The following TNNI3K variants were observed in gnomAD, a reference collection of about 807,000 sequenced individuals.
TNNI3K encodes the protein TNNI3 interacting kinase, also known as serine/threonine-protein kinase TNNI3K.
Under a neutral mutation model 114.5 loss-of-function variants are expected in TNNI3K, and 140 were observed. The ratio of observed to expected loss-of-function variants is 1.22; its 90% CI spans 1.07 to 1.41. The LOEUF is 1.41. Among genes scored for constraint, TNNI3K ranks in the 40% most tolerant of loss-of-function variants. The probability of loss-of-function intolerance (pLI) is 0.00; values close to 1 mark genes in which losing one functional copy is unlikely to be tolerated. For synonymous variants in TNNI3K, 347 were observed against 347.5 expected (o/e 1.00, Z 0.02); for missense variants, 1,125 against 1,007.6 (o/e 1.12, Z -1.58).
At chr1:74,263,915 T>C (rs536260929) in intron 4 of TNNI3K, among the ~76,000 whole-genome samples, 40 of 152,168 alleles carry the variant, frequency 2.6e-4, no homozygotes, top group East Asian at 2.1e-3. Context: ...AAGTAGCATG[T>C]ATTTACTTCC....
chr1:74,453,572 T>C (rs1667112747), intron 20 of TNNI3K, among the ~76,000 whole-genome samples: 1 of 152,120 alleles, frequency 6.6e-6, no homozygotes, highest in African/African-American at 2.4e-5. Context: ...GGGAAAAATA[T>C]AAACAAAGAA....
At chr1:74,318,595 AT>A (rs1659445778) in intron 5 of TNNI3K, among the ~76,000 whole-genome samples, 1 of 152,140 alleles carries the variant, frequency 6.6e-6, no homozygotes, top group South Asian at 2.1e-4. Context: ...GAAAACTTCT[AT>A]TTCACGTTTT....
intron 20 of TNNI3K, among the ~76,000 whole-genome samples, chr1:74,450,464 C>G (rs193123106): frequency 6.6e-6 from 1 of 151,752 alleles, no homozygotes; most frequent in Non-Finnish European, 1.5e-5. Flanking sequence ...TCAGAGTGAG[C>G]AGACAATCTA....
intron 5 of TNNI3K, among the ~76,000 whole-genome samples, chr1:74,307,630 T>G (rs1374351975): frequency 6.6e-6 from 1 of 152,280 alleles, no homozygotes; most frequent in East Asian, 1.9e-4. Context: ...GGGAGCATGC[T>G]TATTTGTAAA....
intron 5 of TNNI3K, among the ~76,000 whole-genome samples, chr1:74,327,925 C>T (rs1659997999): frequency 6.6e-6 from 1 of 150,784 alleles, no homozygotes; most frequent in Admixed American, 6.6e-5. Context: ...TATAGTCTCA[C>T]AAAAAAATTC....
chr1:74,392,785 C>T (rs182134799), intron 17 of TNNI3K, among the ~76,000 whole-genome samples: 125 of 152,168 alleles, frequency 8.2e-4, no homozygotes, highest in African/African-American at 2.4e-3. Flanking sequence ...ATTTTTGAAA[C>T]GAATGAATGA....
At chr1:74,331,592 G>A (rs1473480178) in intron 6 of TNNI3K, 44 bp downstream of exon 6, 3 of 1,536,866 alleles carry the variant, frequency 2.0e-6, no homozygotes, top group Non-Finnish European at 2.7e-6. Context: ...TGTTGCTTAA[G>A]TGTAGGCTTT....
In TNNI3K at chr1:74,361,122, T is replaced by A. The variant is rs565271653; in HGVS notation, c.1178-6134T>A. ...ATTTCTGTAAATATCATAGGTTCCT[T>A]ATTAACTGCACAGTCCTAATATTCA... On this transcript the variant is annotated intron_variant, in intron 11 of 24. Coordinates refer to ENST00000326637, the MANE Select transcript of TNNI3K (RefSeq NM_015978.3). Among the ~76,000 whole-genome samples the A allele has an allele frequency of 5.3e-5, 8 of 152,258 alleles. No individual in the cohort carries two copies. The South Asian group carries it at 1.7e-3, about 32-fold the overall frequency.
At chr1:74,469,245 T>TC (rs1667800883) in intron 21 of TNNI3K, 2 of 152,582 alleles carry the variant, frequency 1.3e-5, no homozygotes, top group South Asian at 4.1e-4. Flanking sequence ...CAGCCAACTA[T>TC]CCCTGGAAAT....
intron 7 of TNNI3K, among the ~76,000 whole-genome samples, chr1:74,336,648 T>A (rs1463553892): frequency 2.0e-5 from 3 of 151,692 alleles, no homozygotes; most frequent in Non-Finnish European, 2.9e-5. Context: ...ATGATTTCCA[T>A]TTTCATCCAT....
intron 17 of TNNI3K, among the ~76,000 whole-genome samples, chr1:74,415,652 C>T (rs1429468899): frequency 6.6e-6 from 1 of 151,336 alleles, no homozygotes; most frequent in African/African-American, 2.4e-5. Flanking sequence ...ATACTTTCTA[C>T]TTTATTGACC....
chr1:74,406,521 C>T (rs1664622002), intron 17 of TNNI3K, among the ~76,000 whole-genome samples: 1 of 152,104 alleles, frequency 6.6e-6, no homozygotes, highest in Admixed American at 6.6e-5. Flanking sequence ...TTTAAATCTC[C>T]CTAACATACT....
chr1:74,417,318 C>T (rs1282270703), intron 17 of TNNI3K, among the ~76,000 whole-genome samples: 2 of 152,054 alleles, frequency 1.3e-5, no homozygotes, highest in Non-Finnish European at 2.9e-5. Context: ...AGGTACCCTT[C>T]ATGCTGCTTC....
intron 21 of TNNI3K, chr1:74,472,099 G>T (rs1366110861): frequency 2.8e-6 from 2 of 716,696 alleles, no homozygotes; most frequent in Non-Finnish European, 5.2e-6. Context: ...TTTTTCTATT[G>T]GAGGCTGCCA....
At chr1:74,487,132 GT>G (rs541702758) in intron 21 of TNNI3K, among the ~76,000 whole-genome samples, 69 of 152,264 alleles carry the variant, frequency 4.5e-4, no homozygotes, top group African/African-American at 1.6e-3. Context: ...TTTGCTGTTT[GT>G]TTTTAAGATA....
At chr1:74,252,972 A>G (rs148907175) in intron 4 of TNNI3K, among the ~76,000 whole-genome samples, 5,135 of 152,076 alleles carry the variant, frequency 0.034, 265 homozygotes, top group African/African-American at 0.11. Flanking sequence ...TGACTGGTCC[A>G]TTTTACAGAG....
At chr1:74,274,427 G>A (rs781509052) in intron 5 of TNNI3K, among the ~76,000 whole-genome samples, 1 of 151,854 alleles carries the variant, frequency 6.6e-6, no homozygotes, top group Non-Finnish European at 1.5e-5. Flanking sequence ...AATAGTCACT[G>A]TCAATATATC....
At chr1:74,261,405 A>G (rs183201074) in intron 4 of TNNI3K, among the ~76,000 whole-genome samples, 287 of 152,246 alleles carry the variant, frequency 1.9e-3, no homozygotes, top group Non-Finnish European at 3.4e-3. Context: ...GTGTAAATTT[A>G]CATGTTAAAC....
Position 74,271,719 on chromosome 1 carries a change from C to T in TNNI3K, c.444+11C>T, listed in dbSNP as rs375281431. On this transcript the variant is annotated intron_variant, in intron 5 of 24. Transcript: ENST00000326637. ...GCTGGCCACCTAGAGGTAAGTCATG[C>T]CTTTGGCACCTGTGAAAACAAAGGT... 18 of 1,590,644 alleles carry T rather than the reference C, an allele frequency of 1.1e-5. No individual in the cohort carries two copies. Among genetic ancestry groups the T allele is most frequent in the Middle Eastern group, 1.7e-4 (1 of 5,952 alleles).
Sources: allele counts gnomAD v4.1 joint callset (sites outside exome capture counted in the v4.1 genomes callset), GRCh38; gene constraint gnomAD v4.1.1; transcripts MANE v1.5; gene names NCBI Gene and HGNC (gene_info 2026-07-23, HGNC 2026-07-21).